CADPS: variants seen among roughly 807,000 people sequenced by gnomAD.
CADPS encodes calcium dependent secretion activator, also known as calcium-dependent secretion activator 1.
A neutral mutation model predicts 167.3 loss-of-function variants in CADPS; 57 were observed. The observed-to-expected ratio is 0.34, with a 90% CI of 0.28 to 0.42. The LOEUF is 0.42. CADPS is among the 20% of genes least tolerant of loss of function. The pLI, the probability that CADPS is intolerant of heterozygous loss-of-function variation, is 1.00. For missense variants in CADPS, 1,414 were observed against 1,738.1 expected (o/e 0.81, Z 3.32); for synonymous variants, 676 against 635.3 (o/e 1.06, Z -0.96).
intron 3 of CADPS, among the ~76,000 whole-genome samples, chr3:62,717,762 T>C (rs140768849): frequency 2.0e-5 from 3 of 152,258 alleles, no homozygotes; most frequent in Non-Finnish European, 2.9e-5. Flanking sequence ...ATAAATGAAA[T>C]CCTATTACCA....
intron 1 of CADPS, among the ~76,000 whole-genome samples, chr3:62,855,495 C>T (rs73844655): frequency 0.046 from 6,945 of 152,032 alleles, 179 homozygotes; most frequent in East Asian, 0.091. Flanking sequence ...AAGGTAAAAA[C>T]ATATTAGAAA....
chr3:62,462,200 C>T (rs2059432562), intron 26 of CADPS, among the ~76,000 whole-genome samples: 1 of 152,244 alleles, frequency 6.6e-6, no homozygotes, highest in South Asian at 2.1e-4. Context: ...TCCAACTGGG[C>T]TGATCTTTCA....
At chr3:62,858,707 G>A (rs184877552) in intron 1 of CADPS, among the ~76,000 whole-genome samples, 125 of 152,206 alleles carry the variant, frequency 8.2e-4, no homozygotes, top group Non-Finnish European at 1.2e-3. Flanking sequence ...AACACACTGC[G>A]TAAATTTGTA....
intron 11 of CADPS, among the ~76,000 whole-genome samples, chr3:62,538,223 G>A (rs1462717325): frequency 1.3e-5 from 2 of 151,998 alleles, no homozygotes; most frequent in Non-Finnish European, 2.9e-5. Context: ...TCGGTTGTTT[G>A]GTCTCCAAAC....
intron 9 of CADPS, among the ~76,000 whole-genome samples, chr3:62,563,147 A>C (rs1468921511): frequency 6.6e-6 from 1 of 152,238 alleles, no homozygotes; most frequent in African/African-American, 2.4e-5. Context: ...TTAAAACTTA[A>C]GTCTGTTTGG....
intron 17 of CADPS, among the ~76,000 whole-genome samples, chr3:62,510,441 G>T (rs925179557): frequency 8.5e-5 from 13 of 152,136 alleles, no homozygotes; most frequent in African/African-American, 3.1e-4. Flanking sequence ...CTCAGAGCTT[G>T]CTGGGTTCAG....
intron 1 of CADPS, among the ~76,000 whole-genome samples, chr3:62,767,850 T>C (rs1368130423): frequency 6.6e-6 from 1 of 152,208 alleles, no homozygotes; most frequent in Non-Finnish European, 1.5e-5. Flanking sequence ...TAACCCAATA[T>C]AGCCAAAATA....
intron 6 of CADPS, among the ~76,000 whole-genome samples, chr3:62,641,083 A>C (rs78677909): frequency 2.8e-3 from 433 of 152,282 alleles, no homozygotes; most frequent in African/African-American, 9.9e-3. Context: ...ATTTAAATTG[A>C]TTCACTTTTT....
rs190435928 is a variant in CADPS, at chr3:62,525,411, T to G, written c.2292-7161A>C. Among the ~76,000 whole-genome samples, 441 of 152,304 alleles carry G rather than the reference T, an allele frequency of 2.9e-3. 1 individual carries two copies. The highest frequency in any genetic ancestry group is 0.014 in the Middle Eastern group (4 of 294). The stretch of plus-strand genomic sequence containing the variant: ...CTGGCTCCTTAGAATTTAGAGAGCA[T>G]GACTCAGCCATGTGCAAGGCCTGTA... On this transcript the variant is annotated intron_variant, in intron 13 of 29. Transcript: ENST00000383710.
At chr3:62,706,935 T>A (rs138475156) in intron 3 of CADPS, among the ~76,000 whole-genome samples, 2 of 152,128 alleles carry the variant, frequency 1.3e-5, no homozygotes, top group African/African-American at 4.8e-5. Context: ...AAGCCCAGAC[T>A]TCCTCACTAT....
intron 26 of CADPS, among the ~76,000 whole-genome samples, chr3:62,449,798 AGTGTGTGT>A (rs71786216): frequency 1.3e-5 from 2 of 150,524 alleles, no homozygotes; most frequent in South Asian, 2.1e-4. Flanking sequence ...TTGTTAAAAG[AGTGTGTGT>A]GTGTGTGTGT....
intron 1 of CADPS, among the ~76,000 whole-genome samples, chr3:62,808,418 A>G (rs1050473609): frequency 6.6e-6 from 1 of 152,114 alleles, no homozygotes; most frequent in Non-Finnish European, 1.5e-5. Flanking sequence ...ACCTATTCTT[A>G]AAGTCTTCAG....
In CADPS at chr3:62,753,707, G is replaced by T. The variant is rs150525596; in HGVS notation, c.622C>A (p.Arg208=). The change falls in exon 3 of 30, where the codon CGG becomes AGG. Residue 208 remains arginine (R), a synonymous_variant. Transcript: ENST00000383710. This position sits in a 1 kb window ranked among gnomAD's most constrained non-coding sequence, Gnocchi z 4.6. The part of the protein sequence containing the change: ...QSGGCSANDS[R]EVFKKHIEKR... ...TCAATGTGCTTCTTGAAGACCTCCC[G>T]GGAGTCGTTGGCGGAACAGCCTCCA... 2.6e-4 allele frequency: 414 copies of T among 1,614,042 alleles called. 1 individual carries two copies. In the African/African-American group the frequency reaches 4.5e-3, roughly 18 times the overall value.
intron 17 of CADPS, among the ~76,000 whole-genome samples, chr3:62,512,132 T>G (rs1422665254): frequency 6.6e-6 from 1 of 152,142 alleles, no homozygotes; most frequent in Non-Finnish European, 1.5e-5. Context: ...CCTATTCTAA[T>G]TTATTAAAGT....
At chr3:62,551,018 T>C (rs2152271029) in intron 10 of CADPS, 4 of 435,500 alleles carry the variant, frequency 9.2e-6, no homozygotes, top group East Asian at 1.4e-4. Flanking sequence ...CTTGCCCTTC[T>C]TCTCTTCCTT....
chr3:62,470,288 T>C (rs1576471557), intron 24 of CADPS, among the ~76,000 whole-genome samples: 1 of 152,036 alleles, frequency 6.6e-6, no homozygotes, highest in East Asian at 1.9e-4. Flanking sequence ...GTTGAGGGAG[T>C]TGGGACCCAG....
At position 62,426,520 on chromosome 3, in the gene CADPS, T is replaced by C. The variant is rs182094828; in HGVS notation, c.3777+11584A>G. ...TAAGAAGAGATATTCATGGAGTCAT[T>C]TCTATGTGCCATGCACTGTGGTTTG... On this transcript the variant is annotated intron_variant, in intron 28 of 29. Transcript: ENST00000383710. Among the ~76,000 whole-genome samples the C allele has an allele frequency of 2.5e-3, 388 of 152,338 alleles. 2 individuals are homozygous for C. Among genetic ancestry groups the C allele is most frequent in the Middle Eastern group, 6.8e-3 (2 of 294 alleles).
At chr3:62,457,108 A>T (rs1348314149) in intron 26 of CADPS, among the ~76,000 whole-genome samples, 1 of 152,228 alleles carries the variant, frequency 6.6e-6, no homozygotes, top group East Asian at 1.9e-4. Context: ...CTGATTGAGT[A>T]GCTGATGCTA....
At chr3:62,404,194 T>C (rs943337711) in intron 28 of CADPS, 2 of 152,472 alleles carry the variant, frequency 1.3e-5, no homozygotes. Context: ...TATTTATTTA[T>C]AGGGGATCTA....
Sources: allele counts gnomAD v4.1 joint callset (sites outside exome capture counted in the v4.1 genomes callset), GRCh38; gene constraint gnomAD v4.1.1; non-coding constraint Gnocchi (gnomAD v3.1); transcripts MANE v1.5; gene names NCBI Gene and HGNC (gene_info 2026-07-23, HGNC 2026-07-21).